The following SEC31A variants were observed in gnomAD, a reference collection of about 807,000 sequenced individuals.
SEC31A encodes the protein SEC31 homolog A, COPII component.
Under a neutral mutation model 151.0 loss-of-function variants are expected in SEC31A, and 70 were observed. The ratio of observed to expected loss-of-function variants is 0.46; its 90% CI spans 0.38 to 0.57. The LOEUF is 0.57. Among genes scored for constraint, SEC31A ranks in the 20% least tolerant of loss-of-function variants. The pLI, the probability that SEC31A is intolerant of heterozygous loss-of-function variation, is 0.00. For missense variants in SEC31A, 1,330 were observed against 1,471.2 expected, an observed-to-expected ratio of 0.90 and a Z score of 1.57; for synonymous variants, 475 against 505.9, an observed-to-expected ratio of 0.94 and a Z score of 0.82.
chr4:82,839,493 G>T (rs547470975), intron 22 of SEC31A, among the ~76,000 whole-genome samples: 3 of 152,104 alleles, frequency 2.0e-5, no homozygotes, highest in Non-Finnish European at 4.4e-5. Flanking sequence ...CGCCACATCG[G>T]CCAGGCTGGT....
At chr4:82,836,898 T>C (rs1727440653) in intron 22 of SEC31A, among the ~76,000 whole-genome samples, 1 of 151,822 alleles carries the variant, frequency 6.6e-6, no homozygotes, top group African/African-American at 2.4e-5. Flanking sequence ...AAAGTACTCC[T>C]TTAGTTACTT....
At chr4:82,857,869 T>G in intron 14 of SEC31A, 105 bp from the exon 15 acceptor site, 3 of 669,358 alleles carry the variant, frequency 4.5e-6, no homozygotes, top group Non-Finnish European at 7.8e-6. Context: ...GTAGATGACA[T>G]ACCAAGTTAT....
At chr4:82,898,944 A>AC (rs1720176926) in intron 3 of SEC31A, among the ~76,000 whole-genome samples, 1 of 152,242 alleles carries the variant, frequency 6.6e-6, no homozygotes, top group African/African-American at 2.4e-5. Flanking sequence ...ATAGTAAAAA[A>AC]AAAAATTGGA....
chr4:82,831,482 T>C (rs551150829), intron 22 of SEC31A: 1 of 152,540 alleles, frequency 6.6e-6, no homozygotes, highest in African/African-American at 2.4e-5. Context: ...CCTTAGATAC[T>C]GTCTTTGCAG....
chr4:82,851,129 T>A lies in SEC31A; in HGVS notation c.2328+302A>T, dbSNP rs73829992. 6.6e-3 allele frequency among the ~76,000 whole-genome samples: 1,006 copies of A among 152,364 alleles called. 16 individuals carry two copies. The highest frequency in any genetic ancestry group is 0.023 in the African/African-American group (957 of 41,580). On this transcript the variant is annotated intron_variant, in intron 19 of 26. Coordinates refer to ENST00000395310, the MANE Select transcript of SEC31A (RefSeq NM_001077207.4). Reference sequence around the variant, plus strand: ...AAATATTCCTACAAAGAACTTTGTATGAAGAATCAGCATTTGGCTTTAGAA... The same window carrying A: ...AAATATTCCTACAAAGAACTTTGTAAGAAGAATCAGCATTTGGCTTTAGAA...
At chr4:82,850,589 G>C (rs961228412) in intron 19 of SEC31A, among the ~76,000 whole-genome samples, 1 of 152,206 alleles carries the variant, frequency 6.6e-6, no homozygotes, top group Non-Finnish European at 1.5e-5. Flanking sequence ...AGACAAGACT[G>C]TATCTGCAAG....
chr4:82,829,044 A>G lies in SEC31A; in HGVS notation c.2983T>C (p.Trp995Arg). ...CTGTTCAAAGCTGGAGGGTCATTCCAACCATTCTGAGGACCTATAACAGAT... is the reference window on the plus strand; with the variant it reads ...CTGTTCAAAGCTGGAGGGTCATTCCGACCATTCTGAGGACCTATAACAGAT... ...ASQRTGPQNGWNDPPALNRVP... is the reference protein window; with the variant it reads ...ASQRTGPQNGRNDPPALNRVP... The change falls in exon 23 of 27, where the codon TGG (tryptophan) becomes CGG (arginine). Residue 995 changes from tryptophan to arginine, a missense_variant. Coordinates refer to ENST00000395310, the MANE Select transcript of SEC31A (RefSeq NM_001077207.4). 1 of 1,613,524 alleles carries G rather than the reference A, an allele frequency of 6.2e-7. No individual in the cohort carries two copies. Among genetic ancestry groups the G allele is most frequent in the Non-Finnish European group, 8.5e-7 (1 of 1,179,472 alleles).
intron 8 of SEC31A, among the ~76,000 whole-genome samples, chr4:82,869,026 T>A (rs986624484): frequency 1.3e-5 from 2 of 152,196 alleles, no homozygotes; most frequent in African/African-American, 2.4e-5. Context: ...GCTCACGTCT[T>A]TGGTATTTAT....
chr4:82,837,197 A>G (rs1221314924), intron 22 of SEC31A, among the ~76,000 whole-genome samples: 2 of 55,692 alleles, frequency 3.6e-5, no homozygotes, highest in Non-Finnish European at 1.1e-4. Flanking sequence ...ATATATATAT[A>G]TAATTTCACC....
intron 22 of SEC31A, among the ~76,000 whole-genome samples, chr4:82,840,506 C>T (rs1728479235): frequency 6.6e-6 from 1 of 152,186 alleles, no homozygotes; most frequent in African/African-American, 2.4e-5. Context: ...ATTATGCATA[C>T]AGTGTGTATG....
chr4:82,862,514 ATTT>A lies in SEC31A; in HGVS notation c.1548+17_1548+19del, dbSNP rs755865583. On this transcript the variant is annotated intron_variant, in intron 13 of 26. Coordinates refer to ENST00000395310, the MANE Select transcript of SEC31A (RefSeq NM_001077207.4). ...CTAGCCAAAGTTTTAGAAGGTAGCTATTTTTAAAGGCCTTCTTACCACATTGGC... is the reference window on the plus strand; with the variant it reads ...CTAGCCAAAGTTTTAGAAGGTAGCTATTAAAGGCCTTCTTACCACATTGGC... 1 of 1,608,170 alleles carries A rather than the reference ATTT, an allele frequency of 6.2e-7. No homozygotes were observed. The highest frequency in any genetic ancestry group is 8.5e-7 in the Non-Finnish European group (1 of 1,175,108).
chr4:82,871,331 CA>C (rs1736619848), intron 7 of SEC31A: 1 of 1,509,438 alleles, frequency 6.6e-7, no homozygotes, highest in African/African-American at 1.4e-5. Flanking sequence ...CACACACACA[CA>C]CACACAAGTA....
intron 14 of SEC31A, 49 bp downstream of exon 14, chr4:82,861,581 AC>A (rs766549746): frequency 5.7e-6 from 7 of 1,232,342 alleles, no homozygotes; most frequent in Non-Finnish European, 1.2e-6. Flanking sequence ...AATGTGAGAT[AC>A]ACAAATATCA....
At chr4:82,838,588 T>C (rs1188499716) in intron 22 of SEC31A, among the ~76,000 whole-genome samples, 1 of 152,234 alleles carries the variant, frequency 6.6e-6, no homozygotes, top group Non-Finnish European at 1.5e-5. Context: ...CAGTTCAAAA[T>C]CCTTCATGAG....
intron 6 of SEC31A, 123 bp from the exon 7 acceptor site, chr4:82,872,209 TATGATC>T (rs201597316): frequency 1.2e-5 from 9 of 773,844 alleles, no homozygotes; most frequent in Middle Eastern, 2.9e-4. Flanking sequence ...TTATTTTATT[TATGATC>T]TATTTATTGT....
intron 22 of SEC31A, among the ~76,000 whole-genome samples, chr4:82,835,589 A>T (rs1163932799): frequency 1.3e-5 from 2 of 152,178 alleles, no homozygotes; most frequent in African/African-American, 4.8e-5. Flanking sequence ...TGAGGTCAGG[A>T]GTTCGAGACT....
At chr4:82,844,002 A>G in intron 21 of SEC31A, 1 of 197,400 alleles carries the variant, frequency 5.1e-6, no homozygotes, top group Non-Finnish European at 1.0e-5. Context: ...AAAAACAGTA[A>G]TAACAAATGC....
At chr4:82,857,826 A>C in intron 14 of SEC31A, 62 bp from the exon 15 acceptor site, 1 of 1,047,590 alleles carries the variant, frequency 9.5e-7, no homozygotes, top group South Asian at 1.3e-5. Flanking sequence ...TTTACTGACA[A>C]AAAAAATTTA....
chr4:82,846,296 C>T (rs1730162138), intron 20 of SEC31A, among the ~76,000 whole-genome samples: 1 of 151,324 alleles, frequency 6.6e-6, no homozygotes, highest in African/African-American at 2.4e-5. Context: ...AGCCACCACG[C>T]CCGGCCTGTT....
Sources: allele counts gnomAD v4.1 joint callset (sites outside exome capture counted in the v4.1 genomes callset), GRCh38; gene constraint gnomAD v4.1.1; transcripts MANE v1.5; gene names NCBI Gene and HGNC (gene_info 2026-07-23, HGNC 2026-07-21).